Variants in PTPRN2 observed in about 807,000 individuals in gnomAD.
PTPRN2 encodes protein tyrosine phosphatase receptor type N2.
A neutral mutation model predicts 118.8 loss-of-function variants in PTPRN2; 74 were observed. The ratio of observed to expected loss-of-function variants is 0.62; its 90% CI spans 0.52 to 0.76. PTPRN2 has a LOEUF of 0.76. Ranked by LOEUF, PTPRN2 falls within the 30% of genes least tolerant of loss-of-function variation. The pLI, the probability that PTPRN2 is intolerant of heterozygous loss-of-function variation, is 0.00. For missense variants in PTPRN2, 1,481 were observed against 1,394.4 expected (o/e 1.06, Z -0.99); for synonymous variants, 641 against 608.0 (o/e 1.05, Z -0.80).
chr7:158,123,146 C>T (rs188741589), intron 9 of PTPRN2, among the ~76,000 whole-genome samples: 16 of 152,214 alleles, frequency 1.1e-4, no homozygotes, highest in African/African-American at 3.6e-4. Flanking sequence ...AATAGATAAA[C>T]GAGGTTTCTT....
At chr7:157,592,161 A>T (rs1801016072) in intron 17 of PTPRN2, among the ~76,000 whole-genome samples, 1 of 152,236 alleles carries the variant, frequency 6.6e-6, no homozygotes, top group South Asian at 2.1e-4. Context: ...GCATCATTTC[A>T]ATTTCAAGAA....
intron 1 of PTPRN2, among the ~76,000 whole-genome samples, chr7:158,518,794 G>C (rs571924722): frequency 1.6e-4 from 24 of 152,254 alleles, no homozygotes; most frequent in African/African-American, 5.3e-4. Context: ...AGACCAGCCT[G>C]GGCAACATGG....
At chr7:157,872,312 GT>G (rs1463084058) in intron 12 of PTPRN2, among the ~76,000 whole-genome samples, 3 of 125,118 alleles carry the variant, frequency 2.4e-5, no homozygotes, top group Admixed American at 8.2e-5. Context: ...CATACCCAGT[GT>G]CCTCCCCACA....
intron 9 of PTPRN2, among the ~76,000 whole-genome samples, chr7:158,116,172 G>A (rs184678720): frequency 2.6e-4 from 39 of 152,306 alleles, no homozygotes; most frequent in African/African-American, 9.4e-4. Context: ...ACACGAGAAT[G>A]TCAAAAACAG....
At chr7:158,181,689 T>C (rs1284402766) in intron 5 of PTPRN2, among the ~76,000 whole-genome samples, 3 of 152,084 alleles carry the variant, frequency 2.0e-5, no homozygotes, top group Non-Finnish European at 4.4e-5. Context: ...TGCAGGAATA[T>C]ATTCGTGTAT....
chr7:157,796,994 T>G (rs564079023), intron 12 of PTPRN2, among the ~76,000 whole-genome samples: 2 of 152,192 alleles, frequency 1.3e-5, no homozygotes, highest in East Asian at 3.9e-4. Context: ...TGCCTCGAGT[T>G]CCGACTCGCC....
At chr7:158,362,860 G>A (rs1809110620) in intron 2 of PTPRN2, among the ~76,000 whole-genome samples, 1 of 152,156 alleles carries the variant, frequency 6.6e-6, no homozygotes, top group Non-Finnish European at 1.5e-5. Context: ...TAGCCCCAAA[G>A]CCCCAGATGG....
At chr7:158,586,771 A>G (rs1828950579) in intron 1 of PTPRN2, among the ~76,000 whole-genome samples, 1 of 151,982 alleles carries the variant, frequency 6.6e-6, no homozygotes, top group Non-Finnish European at 1.5e-5. Context: ...GGTGCGGGGG[A>G]CGCAGGTAGA....
At chr7:158,322,167 C>T (rs900836057) in intron 2 of PTPRN2, among the ~76,000 whole-genome samples, 3 of 152,164 alleles carry the variant, frequency 2.0e-5, no homozygotes, top group African/African-American at 4.8e-5. Context: ...CCCACACCCT[C>T]GTCCCAGGGA....
At chr7:158,325,409 G>A (rs1803416760) in intron 2 of PTPRN2, among the ~76,000 whole-genome samples, 1 of 152,044 alleles carries the variant, frequency 6.6e-6, no homozygotes, top group South Asian at 2.1e-4. Flanking sequence ...AAATATAACA[G>A]GACTTGGGAA....
At chr7:158,145,018 C>T (rs990276466) in intron 6 of PTPRN2, among the ~76,000 whole-genome samples, 4 of 147,740 alleles carry the variant, frequency 2.7e-5, no homozygotes, top group East Asian at 2.0e-4. Context: ...CTCACATCAT[C>T]GCGAGAAGGT....
In PTPRN2 at chr7:157,881,175, C is replaced by T. The variant is rs568738515; in HGVS notation, c.1788+17498G>A. 1.2e-3 allele frequency among the ~76,000 whole-genome samples: 165 copies of T among 135,374 alleles called. No individual in the cohort carries two copies. Among genetic ancestry groups the T allele is most frequent in the African/African-American group, 2.7e-3 (77 of 28,102 alleles). 88.8% of individuals were successfully genotyped at this position (135,374 alleles called of 152,430 possible). A position where few individuals can be genotyped will look rare whatever the true frequency, so the allele number is the denominator to read the frequency against. ...ATGGAGGTGTTTACAGGAATCATTA[C>T]GGTAAAATGAGGTCATGAGGGTATG... On this transcript the variant is annotated intron_variant, in intron 12 of 22. Coordinates refer to ENST00000389418, the MANE Select transcript of PTPRN2 (RefSeq NM_002847.5). The surrounding 1 kb of genome is among the most constrained non-coding windows in gnomAD (Gnocchi z 4.7).
At chr7:157,608,978 T>G (rs1802170879) in intron 15 of PTPRN2, among the ~76,000 whole-genome samples, 2 of 152,226 alleles carry the variant, frequency 1.3e-5, no homozygotes, top group South Asian at 4.1e-4. Flanking sequence ...ACGTAGAGTC[T>G]TCCTTCACCT....
chr7:158,051,926 C>T (rs543084828), intron 11 of PTPRN2, among the ~76,000 whole-genome samples: 2 of 151,950 alleles, frequency 1.3e-5, no homozygotes, highest in South Asian at 2.1e-4. Context: ...TGGTAGAGAG[C>T]GAGGAAGAGG....
intron 12 of PTPRN2, among the ~76,000 whole-genome samples, chr7:157,827,658 G>T (rs1355354123): frequency 1.3e-5 from 2 of 152,264 alleles, no homozygotes; most frequent in Admixed American, 1.3e-4. Context: ...GGGGAACCCA[G>T]TGTGCTCTGC....
At chr7:158,000,264 A>G (rs953156329) in intron 11 of PTPRN2, among the ~76,000 whole-genome samples, 2 of 152,158 alleles carry the variant, frequency 1.3e-5, no homozygotes, top group African/African-American at 4.8e-5. Context: ...CTCAGGTTGC[A>G]TTCCCCAGTC....
At chr7:157,911,733 C>G (rs1798116314) in intron 11 of PTPRN2, among the ~76,000 whole-genome samples, 1 of 152,150 alleles carries the variant, frequency 6.6e-6, no homozygotes, top group Non-Finnish European at 1.5e-5. Flanking sequence ...AAGCTAATAA[C>G]TTTCATGAAT....
chr7:158,580,507 G>A (rs1828569490), intron 1 of PTPRN2, among the ~76,000 whole-genome samples: 1 of 152,140 alleles, frequency 6.6e-6, no homozygotes, highest in African/African-American at 2.4e-5. Context: ...ACCACGTGGT[G>A]ACGGAGCACC....
chr7:158,343,511 A>G (rs1470503438), intron 2 of PTPRN2, among the ~76,000 whole-genome samples: 3 of 152,234 alleles, frequency 2.0e-5, no homozygotes, highest in Admixed American at 6.5e-5. Context: ...GAAAAGTTCA[A>G]TGTGGAAGTA....
Sources: gnomAD v4.1 joint callset for allele counts (sites outside exome capture counted in the v4.1 genomes callset) on GRCh38, gnomAD v4.1.1 for gene constraint, Gnocchi (gnomAD v3.1) non-coding constraint, MANE v1.5 for transcripts, NCBI Gene and HGNC (gene_info 2026-07-23, HGNC 2026-07-21) for gene names.